The following PRPSAP2 variants were observed in gnomAD, a reference collection of about 807,000 sequenced individuals.
The protein encoded by PRPSAP2 is phosphoribosyl pyrophosphate synthase-associated protein 2.
PRPSAP2 carries 24 observed loss-of-function variants against 40.6 expected under a neutral mutation model. That is an observed-to-expected ratio of 0.59 (90% CI 0.43 to 0.83). The LOEUF (loss-of-function observed/expected upper bound fraction) is 0.83. PRPSAP2 is among the 40% of genes least tolerant of loss of function. PRPSAP2 has a pLI of 0.00. For missense variants in PRPSAP2, 292 were observed against 465.6 expected, an observed-to-expected ratio of 0.63 and a Z score of 3.43; for synonymous variants, 149 against 164.7, an observed-to-expected ratio of 0.90 and a Z score of 0.73.
At chr17:18,863,213 A>G (rs2037171399) in intron 1 of PRPSAP2, among the ~76,000 whole-genome samples, 2 of 152,044 alleles carry the variant, frequency 1.3e-5, no homozygotes, top group East Asian at 1.9e-4. Context: ...ATCATGGCTC[A>G]TTGCAGCCCT....
chr17:18,869,933 C>T (rs187322418), intron 4 of PRPSAP2, among the ~76,000 whole-genome samples: 13 of 151,240 alleles, frequency 8.6e-5, no homozygotes, highest in Non-Finnish European at 1.3e-4. Context: ...CTGCAACATC[C>T]GCCTCTCAGG....
Position 18,928,339 on chromosome 17 carries a change from T to C in PRPSAP2, c.805-472T>C, listed in dbSNP as rs1205524097. The C allele has an allele frequency of 1.5e-5, 3 of 194,192 alleles. No individual in the cohort carries two copies. The South Asian group carries it at 3.0e-4, about 19-fold the overall frequency. The allele number at this position is 194,192 out of a possible 1,614,324, so 12.0% of individuals were successfully genotyped here. A position where few individuals can be genotyped will look rare whatever the true frequency, so the allele number is the denominator to read the frequency against. ...CATGTAAAAAAACATATTTCCCATA[T>C]GCTCAGTGGAGAAAATTTGGAAATA... On this transcript the variant is annotated intron_variant, in intron 10 of 11. Transcript: ENST00000268835.
chr17:18,908,574 C>A, intron 8 of PRPSAP2: 1 of 735,306 alleles, frequency 1.4e-6, no homozygotes, highest in East Asian at 2.5e-5. Context: ...GCTAACCACT[C>A]TTCACGCTGA....
At position 18,920,029 on chromosome 17, in the gene PRPSAP2, G is replaced by C. The variant is rs962477408; in HGVS notation, c.734-3885G>C. ...CACGTGCCCAGGCTGTTGGTGCTGG[G>C]GGGTAGGCCTGGGGCTGCCGCTCCC... is the stretch of plus-strand genomic sequence containing the variant. On this transcript the variant is annotated intron_variant, in intron 9 of 11. Coordinates refer to ENST00000268835, the MANE Select transcript of PRPSAP2 (RefSeq NM_002767.4). 3.3e-5 allele frequency among the ~76,000 whole-genome samples: 5 copies of C among 152,300 alleles called. No homozygotes were observed. The East Asian group carries it at 5.8e-4, about 18-fold the overall frequency.
upstream of PRPSAP2, among the ~76,000 whole-genome samples, chr17:18,856,911 C>T (rs2151863650): frequency 6.6e-6 from 1 of 152,058 alleles, no homozygotes; most frequent in East Asian, 1.9e-4. Context: ...CATGTGTTTG[C>T]TATTATTATG....
intron 8 of PRPSAP2, among the ~76,000 whole-genome samples, chr17:18,892,187 TTGCATTGTA>T (rs2039588071): frequency 1.3e-5 from 2 of 152,168 alleles, no homozygotes; most frequent in African/African-American, 4.8e-5. Flanking sequence ...CTGAGTAATA[TTGCATTGTA>T]TGTGTATACT....
chr17:18,890,794 AATTG>A (rs71862188), intron 8 of PRPSAP2, among the ~76,000 whole-genome samples: 79,941 of 151,620 alleles, frequency 0.53, 21,293 homozygotes, highest in Middle Eastern at 0.6. Context: ...GGAACTCAGA[AATTG>A]ATTAACAGAA....
rs1046853084 is a variant in PRPSAP2, at chr17:18,911,880, GCCAGCACT to G, written c.733+630_733+637del. On this transcript the variant is annotated intron_variant, in intron 9 of 11. Transcript: ENST00000268835. The surrounding 1 kb of genome is among the most constrained non-coding windows in gnomAD (Gnocchi z 4.5). ...AGGCTGTGAAGGTCAAGATAAAGGC[GCCAGCACT>G]GACCCCGTGATGGGCCGGGCACGGT... Among the ~76,000 whole-genome samples, 14 of 152,196 alleles carry G rather than the reference GCCAGCACT, an allele frequency of 9.2e-5. No individual in the cohort carries two copies. The highest frequency in any genetic ancestry group is 3.4e-4 in the African/African-American group (14 of 41,456).
At chr17:18,868,436 T>C (rs1378003529) in intron 4 of PRPSAP2, among the ~76,000 whole-genome samples, 3 of 150,976 alleles carry the variant, frequency 2.0e-5, no homozygotes, top group Non-Finnish European at 4.4e-5. Context: ...GATTGTGCCA[T>C]TGCACTCCAG....
intron 5 of PRPSAP2, 96 bp from the exon 6 acceptor site, chr17:18,877,602 G>A: frequency 1.4e-5 from 17 of 1,204,500 alleles, no homozygotes; most frequent in Non-Finnish European, 1.8e-5. Context: ...ACCTTAGGTT[G>A]TATAAAGGCA....
chr17:18,915,413 C>A (rs2041249761), intron 9 of PRPSAP2, among the ~76,000 whole-genome samples: 1 of 152,142 alleles, frequency 6.6e-6, no homozygotes, highest in African/African-American at 2.4e-5. Flanking sequence ...CTGTTTTCTT[C>A]TGAGCCTGTC....
intron 8 of PRPSAP2, among the ~76,000 whole-genome samples, chr17:18,905,970 G>T (rs1188357584): frequency 2.6e-5 from 4 of 152,076 alleles, no homozygotes; most frequent in Admixed American, 1.3e-4. Context: ...TTACATCTTG[G>T]GATATTTATC....
At chr17:18,879,831 G>C (rs189435551) in intron 6 of PRPSAP2, among the ~76,000 whole-genome samples, 1 of 151,276 alleles carries the variant, frequency 6.6e-6, no homozygotes, top group African/African-American at 2.4e-5. Context: ...AGGGTGTGGT[G>C]GCTCACGCCT....
chr17:18,858,380 C>T (rs1461416003), intron 1 of PRPSAP2, 119 bp downstream of exon 1: 2 of 152,438 alleles, frequency 1.3e-5, no homozygotes, highest in Non-Finnish European at 2.9e-5. Flanking sequence ...GTCGGGGTCC[C>T]TGGGTGGTGG....
At chr17:18,923,060 T>G (rs1044056653) in intron 9 of PRPSAP2, among the ~76,000 whole-genome samples, 2 of 151,296 alleles carry the variant, frequency 1.3e-5, no homozygotes, top group Non-Finnish European at 2.9e-5. Flanking sequence ...GGGTTTTTTT[T>G]ACTTTTTTAT....
rs2038411103 is a variant in PRPSAP2 at position 18,877,781 on chromosome 17, T to C, written c.323T>C (p.Ile108Thr). ...TGTGCCAAGAGCATCATTGGCGTGA[T>C]ACCCTACTTTCCTTACAGCAAGCAG... ...TSCAKSIIGV[I>T]PYFPYSKQCK... is the part of the protein sequence containing the mutation. Residue 108 changes from isoleucine (I) to threonine (T), a missense_variant, in exon 6 of 12, where the codon ATA (isoleucine) becomes ACA (threonine). Physicochemically the swap from Ile to Thr is moderately conservative, Grantham distance 89 (BLOSUM62 -1). This residue lies in a region of PRPSAP2 where 241 missense variants were observed against 425.7 expected (regional missense o/e 0.57). Coordinates refer to ENST00000268835, the MANE Select transcript of PRPSAP2 (RefSeq NM_002767.4). 2 of 1,613,666 alleles carry C rather than the reference T, an allele frequency of 1.2e-6. No individual in the cohort carries two copies.
rs60288281 is a variant in PRPSAP2, at chr17:18,892,727, G to GTGTGTGTGTGTGTGTT, written c.584+2851_584+2852insGTGTGTGTGTGTGTTT. Among the ~76,000 whole-genome samples the GTGTGTGTGTGTGTGTT allele has an allele frequency of 9.0e-3, 1,145 of 126,666 alleles. 44 individuals carry two copies. Among genetic ancestry groups the GTGTGTGTGTGTGTGTT allele is most frequent in the East Asian group, 0.018 (80 of 4,534 alleles). The allele number at this position is 126,666 out of a possible 152,430, so 83.1% of individuals were successfully genotyped here. On this transcript the variant is annotated intron_variant, in intron 8 of 11. Coordinates refer to ENST00000268835, the MANE Select transcript of PRPSAP2 (RefSeq NM_002767.4). ...TGTGTGTGTGTGTGTGTGTGTGTGTGTATTTATTTATTTATTTATTTTTTT... is the reference window on the plus strand; with the variant it reads ...TGTGTGTGTGTGTGTGTGTGTGTGTGTGTGTGTGTGTGTGTTTATTTATTTATTTATTTATTTTTTT...
chr17:18,882,748 C>T, intron 7 of PRPSAP2, 65 bp downstream of exon 7: 3 of 1,029,962 alleles, frequency 2.9e-6, no homozygotes, highest in Non-Finnish European at 4.5e-6. Flanking sequence ...ATTTCCATTT[C>T]CTTAGGATAC....
intron 2 of PRPSAP2, 99 bp downstream of exon 2, chr17:18,865,663 C>A: frequency 2.6e-6 from 1 of 387,332 alleles, no homozygotes. Context: ...TCTGTTTGTC[C>A]ATATATATCT....
Sources: allele counts gnomAD v4.1 joint callset (sites outside exome capture counted in the v4.1 genomes callset), GRCh38; gene constraint gnomAD v4.1.1; regional missense constraint gnomAD v4.1.1; non-coding constraint Gnocchi (gnomAD v3.1); transcripts MANE v1.5; gene names NCBI Gene and HGNC (gene_info 2026-07-23, HGNC 2026-07-21).